GLUL: variants seen among roughly 807,000 people sequenced by gnomAD.
GLUL encodes the protein glutamate-ammonia ligase.
A neutral mutation model predicts 36.9 loss-of-function variants in GLUL; 8 were observed. That is an observed-to-expected ratio of 0.22 (90% CI 0.13 to 0.39). The LOEUF (loss-of-function observed/expected upper bound fraction) is 0.39, where lower values mean the gene tolerates loss of function less well. GLUL is among the 10% of genes least tolerant of loss of function. GLUL has a pLI of 1.00. For synonymous variants in GLUL, 182 were observed against 172.8 expected, an observed-to-expected ratio of 1.05 and a Z score of -0.42; for missense variants, 315 against 501.8, an observed-to-expected ratio of 0.63 and a Z score of 3.56.
intron 1 of GLUL, chr1:182,389,225 A>G (rs567523666): frequency 1.1e-5 from 2 of 176,082 alleles, no homozygotes; most frequent in South Asian, 2.3e-4. Context: ...AAATTTACAA[A>G]ACATAGAACT....
chr1:182,390,443 A>C (rs3895340), intron 1 of GLUL: 228,636 of 398,354 alleles, frequency 0.57, 67,656 homozygotes, highest in East Asian at 0.78. Context: ...AGTTTTCAGC[A>C]GTTTCTGCAG....
chr1:182,386,070 G>T, intron 4 of GLUL, 183 bp from the exon 5 acceptor site: 2 of 865,816 alleles, frequency 2.3e-6, no homozygotes, highest in Non-Finnish European at 3.9e-6. Context: ...GGGGCCAAAC[G>T]TTCCCCCTAA....
At position 182,387,120 on chromosome 1, in the gene GLUL, C is replaced by G; in HGVS notation, c.328+11G>C. 6.2e-7 allele frequency: 1 copy of G among 1,603,440 alleles called. No individual in the cohort carries two copies. The highest frequency in any genetic ancestry group is 1.1e-5 in the South Asian group (1 of 90,868). On this transcript the variant is annotated intron_variant, in intron 3 of 6. Coordinates refer to ENST00000331872, the MANE Select transcript of GLUL (RefSeq NM_001033044.4). ...TTGAGGAGGGGTATCCATAGCTGTGCTATAACACACCTGCAGGCCTTCGAT... is the reference window on the plus strand; with the variant it reads ...TTGAGGAGGGGTATCCATAGCTGTGGTATAACACACCTGCAGGCCTTCGAT...
chr1:182,382,648 C>A lies in GLUL; in HGVS notation c.*1757G>T, dbSNP rs1378955318. 1 of 152,106 alleles carries A rather than the reference C, an allele frequency of 6.6e-6. No homozygotes were observed. The highest frequency in any genetic ancestry group is 1.5e-5 in the Non-Finnish European group (1 of 68,082). The allele number at this position is 152,106 out of a possible 1,614,324, so 9.4% of individuals were successfully genotyped here. ...GAAGGGGGAGGAGTGGGGCTTGTAC[C>A]CTGCTACAAACCTCTAGGCTAGGAA... is the stretch of plus-strand genomic sequence containing the variant. On this transcript the variant is annotated 3_prime_UTR_variant, in exon 7 of 7. Transcript: ENST00000331872.
intron 1 of GLUL, chr1:182,390,906 A>C (rs1650386666): frequency 2.5e-6 from 1 of 398,082 alleles, no homozygotes; most frequent in African/African-American, 2.1e-5. Flanking sequence ...GCCCCTTCCC[A>C]CTGAAATGTC....
chr1:182,386,252 T>G lies in GLUL; in HGVS notation c.475+4A>C. 6.2e-7 allele frequency: 1 copy of G among 1,612,690 alleles called. No homozygotes were observed. Among genetic ancestry groups the G allele is most frequent in the Non-Finnish European group, 8.5e-7 (1 of 1,179,434 alleles). The stretch of plus-strand genomic sequence containing the variant: ...AATTTCACCTCTAACCCAAGGAGAC[T>G]TACCCTGGGGCCCTGGGAAGCCGTT... On this transcript the variant is annotated splice_donor_region_variant and intron_variant, in intron 4 of 6. Coordinates refer to ENST00000331872, the MANE Select transcript of GLUL (RefSeq NM_001033044.4).
At chr1:182,388,842 C>T (rs1307470281) in intron 1 of GLUL, 92 bp from the exon 2 acceptor site, 24 of 984,328 alleles carry the variant, frequency 2.4e-5, no homozygotes, top group Non-Finnish European at 3.7e-5. Context: ...AATCAAAAGT[C>T]AGAGTGTAAG....
chr1:182,389,083 T>C (rs1650300864), intron 1 of GLUL: 3 of 357,684 alleles, frequency 8.4e-6, no homozygotes, highest in Admixed American at 7.8e-5. Flanking sequence ...CCACAGCTAC[T>C]GCAGAACCCA....
chr1:182,389,677 CCACAA>C (rs1650325932), intron 1 of GLUL: 1 of 152,232 alleles, frequency 6.6e-6, no homozygotes, highest in South Asian at 2.1e-4. Flanking sequence ...AACTCTCAAG[CCACAA>C]CAGCCGAAGA....
At chr1:182,391,154 G>T in intron 1 of GLUL, 1 of 398,540 alleles carries the variant, frequency 2.5e-6, no homozygotes, top group East Asian at 3.6e-5. Flanking sequence ...GGCGGGAGCC[G>T]GCCGCCCAAA....
Position 182,387,462 on chromosome 1 carries a change from T to C in GLUL, c.167-170A>G, listed in dbSNP as rs549801785. Among the ~76,000 whole-genome samples, 184 of 152,324 alleles carry C rather than the reference T, an allele frequency of 1.2e-3. 2 individuals are homozygous for C. The highest frequency in any genetic ancestry group is 4.2e-3 in the African/African-American group (173 of 41,572). On this transcript the variant is annotated intron_variant, in intron 2 of 6. Transcript: ENST00000331872. ...TGTATACCCTGGCACCTGTACCTGA[T>C]CTTATAGCCCTTCCTATTTGAGTTC... is the stretch of plus-strand genomic sequence containing the variant.
chr1:182,385,589 G>A (rs1265046029), intron 5 of GLUL, 33 bp from the exon 6 acceptor site: 1 of 1,590,414 alleles, frequency 6.3e-7, no homozygotes, highest in Non-Finnish European at 8.6e-7. Context: ...TTAAAACAAA[G>A]CTAACTGCTC....
chr1:182,386,388 G>A lies in GLUL; in HGVS notation c.343C>T (p.His115Tyr), dbSNP rs537986211. The change falls in exon 4 of 7, where the codon CAC becomes TAC. Residue 115 changes from histidine (H) to tyrosine (Y), a missense_variant. Around this residue, in one of 3 missense-constraint regions of GLUL, gnomAD observed 256 missense variants for 396.1 expected, o/e 0.65. Coordinates refer to ENST00000331872, the MANE Select transcript of GLUL (RefSeq NM_001033044.4). ...NRRPAETNLR[H>Y]TCKRIMDMVS... ...ATGTCCATTATCCGTTTACAGGTGT[G>A]CCTCAAATTGGTCTCTAGAAAAAAG... 3 of 1,611,580 alleles carry A rather than the reference G, an allele frequency of 1.9e-6. No homozygotes were observed. Among genetic ancestry groups the A allele is most frequent in the African/African-American group, 1.3e-5 (1 of 74,966 alleles).
At chr1:182,390,500 A>G (rs966876950) in intron 1 of GLUL, 4 of 398,936 alleles carry the variant, frequency 1.0e-5, no homozygotes, top group African/African-American at 8.2e-5. Context: ...CACTCACCCC[A>G]GCCACAGAAA....
intron 1 of GLUL, chr1:182,391,222 C>T (rs903817207): frequency 3.2e-4 from 126 of 398,602 alleles, no homozygotes; most frequent in Non-Finnish European, 5.7e-5. Context: ...AGAACCAGGA[C>T]GATTGCTCCG....
Position 182,379,403 on chromosome 1 carries a change from AAT to A in GLUL, c.*5000_*5001del, listed in dbSNP as rs1435323172. Among the ~76,000 whole-genome samples the A allele has an allele frequency of 6.6e-6, 1 of 151,764 alleles. No individual in the cohort carries two copies. Among genetic ancestry groups the A allele is most frequent in the African/African-American group, 2.4e-5 (1 of 41,300 alleles). ...ACATCTTGCTAATTTTGGTATTTTT[AAT>A]AGAGACAAGGTTTCACCATGTTGGC... is the stretch of plus-strand genomic sequence containing the variant. On this transcript the variant is annotated 3_prime_UTR_variant, in exon 7 of 7. Transcript: ENST00000331872.
chr1:182,390,774 A>G lies in GLUL; in HGVS notation c.-14+905T>C, dbSNP rs78752021. Reference sequence around the variant, plus strand: ...CCGAAGCAGCTGGAGCGCGACCCGGAGGAGTCTGACTTCTCGTTGTCTTCA... The same window carrying G: ...CCGAAGCAGCTGGAGCGCGACCCGGGGGAGTCTGACTTCTCGTTGTCTTCA... On this transcript the variant is annotated intron_variant, in intron 1 of 6. Transcript: ENST00000331872. The G allele has an allele frequency of 3.8e-3, 1,513 of 399,146 alleles. 6 individuals carry two copies. Among genetic ancestry groups the G allele is most frequent in the Middle Eastern group, 6.9e-3 (11 of 1,588 alleles). 24.7% of individuals were successfully genotyped at this position (399,146 alleles called of 1,614,324 possible). A position where few individuals can be genotyped will look rare whatever the true frequency, so the allele number is the denominator to read the frequency against.
Position 182,381,248 on chromosome 1 carries a change from GAGAGTCA to G in GLUL, c.*3150_*3156del, listed in dbSNP as rs1321204765. 1.3e-5 allele frequency among the ~76,000 whole-genome samples: 2 copies of G among 152,166 alleles called. No homozygotes were observed. The highest frequency in any genetic ancestry group is 4.8e-5 in the African/African-American group (2 of 41,446). On this transcript the variant is annotated 3_prime_UTR_variant, in exon 7 of 7. Transcript: ENST00000331872. ...CGCCACACTATACTCCAGCCTGGGT[GAGAGTCA>G]GACCCCGTCTCAAAAACAACAAAAG...
rs1013484428 is a variant in GLUL at position 182,384,824 on chromosome 1, G to A, written c.804-101C>T. 1.9e-5 allele frequency: 16 copies of A among 853,516 alleles called. No homozygotes were observed. The South Asian group carries it at 2.2e-4, about 12-fold the overall frequency. The allele number at this position is 853,516 out of a possible 1,614,324, so 52.9% of individuals were successfully genotyped here. On this transcript the variant is annotated intron_variant, in intron 6 of 6. Transcript: ENST00000331872. ...GATACCAGTAGAACAAATACTTCAT[G>A]AGGGCAGTGGCTGCATCTTCTTACC...
Sources: gnomAD v4.1 joint callset for allele counts (sites outside exome capture counted in the v4.1 genomes callset) on GRCh38, gnomAD v4.1.1 for gene constraint, gnomAD v4.1.1 regional missense constraint, MANE v1.5 for transcripts, NCBI Gene and HGNC (gene_info 2026-07-23, HGNC 2026-07-21) for gene names.